The following LPP variants were observed in gnomAD, a reference collection of about 807,000 sequenced individuals.
LPP encodes the protein lipoma-preferred partner.
In LPP, 38 loss-of-function variants were observed where a neutral mutation model predicts 60.4. The ratio of observed to expected loss-of-function variants is 0.63; its 90% CI spans 0.49 to 0.83. The LOEUF (loss-of-function observed/expected upper bound fraction) is 0.83. Ranked by LOEUF, LPP falls within the 40% of genes least tolerant of loss-of-function variation. LPP has a pLI of 0.00. For synonymous variants in LPP, 328 were observed against 290.8 expected, an observed-to-expected ratio of 1.13 and a Z score of -1.30; for missense variants, 902 against 783.6, an observed-to-expected ratio of 1.15 and a Z score of -1.80.
chr3:188,674,679 C>T (rs1019798111), intron 7 of LPP, among the ~76,000 whole-genome samples: 12 of 152,294 alleles, frequency 7.9e-5, no homozygotes, highest in African/African-American at 2.9e-4. Context: ...TTCATAATAA[C>T]CCTGCTAGAT....
intron 7 of LPP, chr3:188,688,989 C>A: frequency 2.2e-6 from 1 of 460,664 alleles, no homozygotes; most frequent in South Asian, 1.6e-5. Flanking sequence ...TACTGCCTAC[C>A]TCATCAGGGA....
intron 2 of LPP, among the ~76,000 whole-genome samples, chr3:188,269,284 C>T (rs1349425402): frequency 1.3e-5 from 2 of 152,166 alleles, no homozygotes; most frequent in Non-Finnish European, 2.9e-5. Flanking sequence ...CCCTATTGAA[C>T]TGTGTGCCAT....
chr3:188,838,640 A>G (rs1759100483), intron 9 of LPP, among the ~76,000 whole-genome samples: 1 of 152,194 alleles, frequency 6.6e-6, no homozygotes, highest in African/African-American at 2.4e-5. Context: ...GATAAAGAAA[A>G]TGTGGCACAT....
intron 9 of LPP, among the ~76,000 whole-genome samples, chr3:188,793,389 A>G (rs1744407881): frequency 6.6e-6 from 1 of 151,896 alleles, no homozygotes; most frequent in Non-Finnish European, 1.5e-5. Context: ...GTCATGTTGG[A>G]GAGACTGGTC....
intron 7 of LPP, among the ~76,000 whole-genome samples, chr3:188,637,653 T>C (rs1227655945): frequency 6.6e-6 from 1 of 151,586 alleles, no homozygotes; most frequent in African/African-American, 2.4e-5. Flanking sequence ...AAGAATCAAA[T>C]AGATGCAATA....
chr3:188,627,442 T>C (rs774878299), intron 7 of LPP, among the ~76,000 whole-genome samples: 1 of 152,120 alleles, frequency 6.6e-6, no homozygotes, highest in East Asian at 1.9e-4. Flanking sequence ...AATAAAGGGA[T>C]GGAGAAAGCT....
At chr3:188,289,141 T>A (rs1745101065) in intron 2 of LPP, among the ~76,000 whole-genome samples, 1 of 152,046 alleles carries the variant, frequency 6.6e-6, no homozygotes, top group Non-Finnish European at 1.5e-5. Flanking sequence ...GAGGAGTTAT[T>A]TTAGCATTTT....
At chr3:188,403,238 T>C (rs1340939631) in intron 3 of LPP, among the ~76,000 whole-genome samples, 3 of 152,186 alleles carry the variant, frequency 2.0e-5, no homozygotes, top group African/African-American at 7.2e-5. Context: ...TTACATTTTA[T>C]TTATACTCTC....
chr3:188,271,829 A>T (rs1466289596), intron 2 of LPP, among the ~76,000 whole-genome samples: 1 of 152,196 alleles, frequency 6.6e-6, no homozygotes, highest in African/African-American at 2.4e-5. Flanking sequence ...ATATTCCAGC[A>T]TTGGGCTTTA....
intron 7 of LPP, among the ~76,000 whole-genome samples, chr3:188,666,188 AT>A (rs1241509434): frequency 6.6e-6 from 1 of 152,230 alleles, no homozygotes; most frequent in Non-Finnish European, 1.5e-5. Flanking sequence ...AACTATTTAT[AT>A]TTCTCTAGTA....
At chr3:188,674,449 C>T (rs1001927791) in intron 7 of LPP, among the ~76,000 whole-genome samples, 5 of 152,104 alleles carry the variant, frequency 3.3e-5, no homozygotes, top group Non-Finnish European at 7.4e-5. Flanking sequence ...TATAGAGTCA[C>T]GCCTTTAAAT....
At chr3:188,575,038 A>G (rs1043130160) in intron 6 of LPP, among the ~76,000 whole-genome samples, 1 of 152,020 alleles carries the variant, frequency 6.6e-6, no homozygotes, top group Admixed American at 6.6e-5. Context: ...GTCACACCCT[A>G]AGCAAGGAAG....
chr3:188,413,059 T>C (rs1258658674), intron 4 of LPP, among the ~76,000 whole-genome samples: 1 of 152,122 alleles, frequency 6.6e-6, no homozygotes, highest in East Asian at 1.9e-4. Context: ...TATTGATGCT[T>C]GGTGGAGAAT....
intron 3 of LPP, among the ~76,000 whole-genome samples, chr3:188,359,807 A>G (rs372255076): frequency 1.3e-5 from 2 of 152,108 alleles, no homozygotes; most frequent in African/African-American, 2.4e-5. Flanking sequence ...TCCTCTGAAG[A>G]GCCTCTGAGC....
chr3:188,664,921 G>A (rs1277393192), intron 7 of LPP, among the ~76,000 whole-genome samples: 1 of 152,158 alleles, frequency 6.6e-6, no homozygotes, highest in Non-Finnish European at 1.5e-5. Context: ...GGGATGGCCT[G>A]TACATGGCAG....
chr3:188,310,073 C>T (rs1466761358), intron 2 of LPP, among the ~76,000 whole-genome samples: 1 of 152,108 alleles, frequency 6.6e-6, no homozygotes. Context: ...CAAAACCTCA[C>T]CACCACCACC....
chr3:188,252,075 T>TATATATATACAC (rs1233544060), intron 2 of LPP, among the ~76,000 whole-genome samples: 2 of 58,510 alleles, frequency 3.4e-5, no homozygotes, highest in Admixed American at 2.5e-4. Context: ...TATATATATA[T>TATATATATACAC]ACACACACAC....
intron 9 of LPP, among the ~76,000 whole-genome samples, chr3:188,827,556 G>A (rs1755909974): frequency 6.6e-6 from 1 of 152,160 alleles, no homozygotes; most frequent in Non-Finnish European, 1.5e-5. Context: ...CAAACTGGCG[G>A]AGTCATTGGC....
rs1177942264 is a variant in LPP at position 188,352,253 on chromosome 3, G to A, written c.-10+10534G>A. Among the ~76,000 whole-genome samples, 1 of 152,214 alleles carries A rather than the reference G, an allele frequency of 6.6e-6. No individual in the cohort carries two copies. The highest frequency in any genetic ancestry group is 1.5e-5 in the Non-Finnish European group (1 of 68,044). ...TATGATCTATGGGACTTGGTATTAA[G>A]CAAGATGATATTAACGAGGTTTGAT... On this transcript the variant is annotated intron_variant, in intron 3 of 11. Transcript: ENST00000617246. The surrounding 1 kb of genome is among the most constrained non-coding windows in gnomAD (Gnocchi z 4.4).
Sources: allele counts gnomAD v4.1 joint callset (sites outside exome capture counted in the v4.1 genomes callset), GRCh38; gene constraint gnomAD v4.1.1; non-coding constraint Gnocchi (gnomAD v3.1); transcripts MANE v1.5; gene names NCBI Gene and HGNC (gene_info 2026-07-23, HGNC 2026-07-21).